MEI4: variants seen among roughly 807,000 people sequenced by gnomAD.
MEI4 encodes the protein meiosis-specific protein MEI4.
MEI4 carries 27 observed loss-of-function variants against 31.4 expected under a neutral mutation model. That is an observed-to-expected ratio of 0.86 (90% CI 0.63 to 1.19). MEI4 has a LOEUF of 1.19. MEI4 is among the 50% of genes most tolerant of loss of function. The probability of loss-of-function intolerance (pLI) is 0.00; values close to 1 mark genes in which losing one functional copy is unlikely to be tolerated. For synonymous variants in MEI4, 122 were observed against 145.4 expected (o/e 0.84, Z 1.16); for missense variants, 329 against 398.9 (o/e 0.82, Z 1.49).
intron 4 of MEI4, among the ~76,000 whole-genome samples, chr6:77,858,191 G>C (rs1770786135): frequency 6.6e-6 from 1 of 152,120 alleles, no homozygotes; most frequent in African/African-American, 2.4e-5. Flanking sequence ...TACCCTTGAA[G>C]AAAGAAATAA....
intron 4 of MEI4, among the ~76,000 whole-genome samples, chr6:77,887,227 C>G (rs188171013): frequency 2.7e-5 from 4 of 149,904 alleles, no homozygotes; most frequent in Admixed American, 2.7e-4. Context: ...AGTGGTCATT[C>G]ATAGTCATTT....
chr6:77,761,494 T>C lies in MEI4; in HGVS notation c.597T>C (p.Arg199=). Residue 199 remains arginine (R), a synonymous_variant, in exon 3 of 5, where the codon CGT becomes CGC. Transcript: ENST00000684080. ...QLLDGLITFY[R]NPKLPFSRFW... ...TGGATGGCCTGATCACTTTTTACCG[T>C]AATCCCAAACTTCCTTTTTCAAGAT... The C allele has an allele frequency of 8.1e-7, 1 of 1,232,156 alleles. No individual in the cohort carries two copies. Among genetic ancestry groups the C allele is most frequent in the Non-Finnish European group, 1.0e-6 (1 of 987,928 alleles). The allele number at this position is 1,232,156 out of a possible 1,614,324, so 76.3% of individuals were successfully genotyped here.
intron 2 of MEI4, among the ~76,000 whole-genome samples, chr6:77,748,062 C>T (rs756442553): frequency 1.8e-4 from 28 of 152,176 alleles, no homozygotes; most frequent in Non-Finnish European, 2.2e-4. Flanking sequence ...TTGGCAGCTC[C>T]GTCACAGGGT....
intron 4 of MEI4, 95 bp from the exon 5 acceptor site, chr6:77,922,994 T>C (rs1407571531): frequency 6.0e-6 from 4 of 669,638 alleles, no homozygotes; most frequent in Non-Finnish European, 8.4e-6. Context: ...ATTTCAAATA[T>C]ATTTCGTTTG....
At position 77,828,992 on chromosome 6, in the gene MEI4, GA is replaced by G; in HGVS notation, c.834del (p.Lys278AsnfsTer11). 1.6e-6 allele frequency: 2 copies of G among 1,232,102 alleles called. No individual in the cohort carries two copies. Among genetic ancestry groups the G allele is most frequent in the Non-Finnish European group, 2.0e-6 (2 of 987,864 alleles). 76.3% of individuals were successfully genotyped at this position (1,232,102 alleles called of 1,614,324 possible). On this transcript the variant is annotated frameshift_variant, in exon 4 of 5. Coordinates refer to ENST00000684080, the MANE Select transcript of MEI4 (RefSeq NM_001322247.2). LOFTEE classifies it high-confidence loss of function. ...ACCTTGGGAAATTGCAGCTTGTTGAGAAAATCTATTATATCTCTGCTTCTAT... is the reference window on the plus strand; with the variant it reads ...ACCTTGGGAAATTGCAGCTTGTTGAGAAATCTATTATATCTCTGCTTCTAT... ...LVTLGNCSLL[R>X]KSIISLLLSE...
rs570185624 is a variant in MEI4, at chr6:77,883,717, GATATAT to G, written c.901-39350_901-39345del. On this transcript the variant is annotated intron_variant, in intron 4 of 4. Transcript: ENST00000684080. ...TATGCAATGAAATGCTATTATGTAA[GATATAT>G]ATATATATATATATATATATAACTT... Among the ~76,000 whole-genome samples the G allele has an allele frequency of 3.7e-4, 16 of 43,338 alleles. 1 individual carries two copies. The highest frequency in any genetic ancestry group is 1.4e-3 in the East Asian group (1 of 716). 28.4% of individuals were successfully genotyped at this position (43,338 alleles called of 152,430 possible).
chr6:77,897,018 T>C (rs1766096117), intron 4 of MEI4, among the ~76,000 whole-genome samples: 1 of 152,046 alleles, frequency 6.6e-6, no homozygotes, highest in African/African-American at 2.4e-5. Context: ...AAATTTATAA[T>C]CTTATTCTCC....
In MEI4 at chr6:77,664,065, G is replaced by A. The variant is rs548432346; in HGVS notation, c.-15+10973G>A. Among the ~76,000 whole-genome samples the A allele has an allele frequency of 3.9e-5, 6 of 152,350 alleles. No individual in the cohort carries two copies. In the East Asian group the frequency reaches 7.7e-4, roughly 20 times the overall value. On this transcript the variant is annotated intron_variant, in intron 1 of 4. Transcript: ENST00000684080. Reference sequence around the variant, plus strand: ...TTCTGGAGGAACGCCTGGCCGTTGCGATTCAGGCGTTTGGAAGTTCTTGTG... The same window carrying A: ...TTCTGGAGGAACGCCTGGCCGTTGCAATTCAGGCGTTTGGAAGTTCTTGTG...
intron 4 of MEI4, among the ~76,000 whole-genome samples, chr6:77,849,644 T>C (rs1396744590): frequency 6.6e-6 from 1 of 152,202 alleles, no homozygotes; most frequent in African/African-American, 2.4e-5. Context: ...TTCCAAATAA[T>C]TTTTTGAAGA....
At chr6:77,833,695 C>T (rs1056958896) in intron 4 of MEI4, among the ~76,000 whole-genome samples, 7 of 151,954 alleles carry the variant, frequency 4.6e-5, no homozygotes, top group East Asian at 1.9e-4. Context: ...GGTATACATG[C>T]GCCATGGTGG....
chr6:77,851,287 A>G (rs1300264388), intron 4 of MEI4, among the ~76,000 whole-genome samples: 1 of 152,184 alleles, frequency 6.6e-6, no homozygotes, highest in Non-Finnish European at 1.5e-5. Flanking sequence ...ATTACTGGGT[A>G]TATACCCAAA....
rs192958989 is a variant in MEI4 at position 77,761,563 on chromosome 6, C to G, written c.666C>G (p.Asp222Glu). 2,992 of 1,231,988 alleles carry G rather than the reference C, an allele frequency of 2.4e-3. 1 individual carries two copies. The highest frequency in any genetic ancestry group is 2.8e-3 in the Non-Finnish European group (2,797 of 987,834). 76.3% of individuals were successfully genotyped at this position (1,231,988 alleles called of 1,614,324 possible). A position where few individuals can be genotyped will look rare whatever the true frequency, so the allele number is the denominator to read the frequency against. The stretch of plus-strand genomic sequence containing the variant: ...GTACTTTAGCTAGTCTGATCAGTGA[C>G]TATAACTTATCTAGTCATATTCTTA... The part of the protein sequence containing the change: ...AVGTLASLIS[D>E]YNLSSHILKK... Residue 222 changes from aspartate to glutamate, a missense_variant, in exon 3 of 5, where the codon GAC becomes GAG. Asp to Glu is a conservative substitution (Grantham distance 45). Transcript: ENST00000684080.
intron 1 of MEI4, among the ~76,000 whole-genome samples, chr6:77,685,520 T>C (rs534517105): frequency 3.9e-5 from 6 of 152,104 alleles, no homozygotes; most frequent in African/African-American, 7.2e-5. Context: ...CTGTTGATTG[T>C]TTCCTTTGCT....
intron 4 of MEI4, among the ~76,000 whole-genome samples, chr6:77,903,339 A>C (rs927376394): frequency 6.6e-6 from 1 of 152,218 alleles, no homozygotes. Flanking sequence ...TCAGTTAATT[A>C]TGTGTGATAG....
intron 3 of MEI4, among the ~76,000 whole-genome samples, chr6:77,815,906 A>T (rs757152307): frequency 1.3e-5 from 2 of 152,006 alleles, no homozygotes; most frequent in Admixed American, 1.3e-4. Flanking sequence ...AAAAACCAAA[A>T]CAACAACAAA....
chr6:77,738,791 T>G (rs6902782), intron 2 of MEI4, among the ~76,000 whole-genome samples: 1 of 151,974 alleles, frequency 6.6e-6, no homozygotes, highest in Non-Finnish European at 1.5e-5. Context: ...TTCTAACTGG[T>G]GTGAGATGGT....
In MEI4 at chr6:77,924,808, C is replaced by G. The variant is rs1766807019; in HGVS notation, c.*1462C>G. The G allele has an allele frequency of 6.6e-6, 1 of 151,772 alleles. No individual in the cohort carries two copies. The highest frequency in any genetic ancestry group is 6.6e-5 in the Admixed American group (1 of 15,160). 9.4% of individuals were successfully genotyped at this position (151,772 alleles called of 1,614,324 possible). ...TGTCAAAGTACATCAAATGGTCAAG[C>G]CCAAAGAAAAGTGACTGACAGGGGA... On this transcript the variant is annotated 3_prime_UTR_variant, in exon 5 of 5. Transcript: ENST00000684080.
intron 2 of MEI4, among the ~76,000 whole-genome samples, chr6:77,700,030 C>T (rs1429811904): frequency 1.3e-5 from 2 of 152,210 alleles, no homozygotes; most frequent in Non-Finnish European, 2.9e-5. Flanking sequence ...CCCAGTTAGG[C>T]TTCTCGCGGG....
intron 1 of MEI4, among the ~76,000 whole-genome samples, chr6:77,688,881 C>T (rs1034404160): frequency 3.3e-5 from 5 of 152,032 alleles, no homozygotes; most frequent in East Asian, 1.9e-4. Context: ...CTGCTCCTAT[C>T]GCTGATGACA....
Sources: gnomAD v4.1 joint callset for allele counts (sites outside exome capture counted in the v4.1 genomes callset) on GRCh38, gnomAD v4.1.1 for gene constraint, MANE v1.5 for transcripts, NCBI Gene and HGNC (gene_info 2026-07-23, HGNC 2026-07-21) for gene names.